Variants in MED23 observed in about 807,000 individuals in gnomAD.
MED23 encodes the protein mediator complex subunit 23.
MED23 carries 105 observed loss-of-function variants against 163.9 expected under a neutral mutation model. The observed-to-expected ratio is 0.64, with a 90% CI of 0.55 to 0.75. MED23 has a LOEUF of 0.75. MED23 is among the 30% of genes least tolerant of loss of function. The pLI, the probability that MED23 is intolerant of heterozygous loss-of-function variation, is 0.00. For synonymous variants in MED23, 561 were observed against 565.6 expected (o/e 0.99, Z 0.12); for missense variants, 1,054 against 1,649.0 (o/e 0.64, Z 6.25).
chr6:131,602,414 A>G (rs536279426), intron 16 of MED23, 33 bp from the exon 17 acceptor site: 2 of 1,595,744 alleles, frequency 1.3e-6, no homozygotes, highest in Admixed American at 1.7e-5. Context: ...GAAATGTAAA[A>G]AAATTTCAGA....
chr6:131,621,092 G>C (rs1377060364), intron 6 of MED23, among the ~76,000 whole-genome samples: 1 of 152,138 alleles, frequency 6.6e-6, no homozygotes, highest in African/African-American at 2.4e-5. Context: ...ATGCGCCACT[G>C]CATCTGGCCC....
At chr6:131,612,718 C>T (rs1347688444) in intron 10 of MED23, among the ~76,000 whole-genome samples, 2 of 152,044 alleles carry the variant, frequency 1.3e-5, no homozygotes, top group African/African-American at 4.8e-5. Flanking sequence ...ACTGAAACTT[C>T]ATTTAATATT....
chr6:131,620,804 AT>A (rs763118261), intron 6 of MED23, 75 bp from the exon 7 acceptor site: 128,560 of 627,656 alleles, frequency 0.2, 1 homozygote, highest in South Asian at 0.28. Flanking sequence ...TATTATCATT[AT>A]TTTTTTTTTT....
downstream of MED23, chr6:131,583,911 G>A (rs1345200446): frequency 1.2e-6 from 2 of 1,613,804 alleles, no homozygotes; most frequent in African/African-American, 1.3e-5. Context: ...CTAAGTAAAT[G>A]TGGAAACATC....
chr6:131,604,169 C>T lies in MED23; in HGVS notation c.1756+9G>A, dbSNP rs1775688515. On this transcript the variant is annotated intron_variant, in intron 15 of 28. Transcript: ENST00000368068. ...TAATAGTTATAAACACCAGAAAGTC[C>T]TGTCTTACTGATAAATCCTTTGATG... is the stretch of plus-strand genomic sequence containing the variant. 2 of 1,612,592 alleles carry T rather than the reference C, an allele frequency of 1.2e-6. No homozygotes were observed. The highest frequency in any genetic ancestry group is 1.1e-5 in the South Asian group (1 of 91,034).
chr6:131,609,506 CTT>C (rs71030751), intron 11 of MED23, among the ~76,000 whole-genome samples: 2,203 of 97,976 alleles, frequency 0.022, 46 homozygotes, highest in African/African-American at 0.093. Flanking sequence ...GAGACTATTC[CTT>C]TTTTTTTTTT....
chr6:131,610,940 T>C (rs1351443247), intron 10 of MED23, among the ~76,000 whole-genome samples: 2 of 152,182 alleles, frequency 1.3e-5, no homozygotes, highest in African/African-American at 2.4e-5. Context: ...AGAAAAAGAA[T>C]TGAGTTTAAA....
chr6:131,584,816 TAC>T (rs59196638), downstream of MED23, among the ~76,000 whole-genome samples: 2,243 of 133,856 alleles, frequency 0.017, 87 homozygotes, highest in East Asian at 0.17. Flanking sequence ...CTACAAAAAA[TAC>T]ACACACACAC....
rs114412536 is a variant in MED23 at position 131,620,807 on chromosome 6, T to A, written c.496-78A>T. 6.6e-3 allele frequency: 4,921 copies of A among 746,506 alleles called. 131 individuals are homozygous for A. The African/African-American group carries it at 0.07, about 11-fold the overall frequency. 46.2% of individuals were successfully genotyped at this position (746,506 alleles called of 1,614,324 possible). A position where few individuals can be genotyped will look rare whatever the true frequency, so the allele number is the denominator to read the frequency against. The stretch of plus-strand genomic sequence containing the variant: ...CTTTATTTTATTTATTATCATTATT[T>A]TTTTTTTTTTTTGAGACAGGGTCTT... On this transcript the variant is annotated intron_variant, in intron 6 of 28. Coordinates refer to ENST00000368068, the MANE Select transcript of MED23 (RefSeq NM_004830.4).
intron 20 of MED23, among the ~76,000 whole-genome samples, chr6:131,596,899 G>A (rs531324977): frequency 5.4e-4 from 82 of 152,226 alleles, no homozygotes; most frequent in African/African-American, 1.9e-3. Context: ...TGCCTGGGAT[G>A]TCCATCTTTA....
At position 131,598,667 on chromosome 6, in the gene MED23, T is replaced by C. The variant is rs754806196; in HGVS notation, c.2315A>G (p.Asn772Ser). 31 of 1,614,070 alleles carry C rather than the reference T, an allele frequency of 1.9e-5. No individual in the cohort carries two copies. The South Asian group carries it at 3.2e-4, about 17-fold the overall frequency. Residue 772 changes from asparagine (N) to serine (S), a missense_variant, in exon 19 of 29, where the codon AAC becomes AGC. Asn to Ser is a conservative substitution (Grantham distance 46). Around this residue, in one of 11 missense-constraint regions of MED23, gnomAD observed 228 missense variants for 461.3 expected, o/e 0.49. Transcript: ENST00000368068. The surrounding 1 kb of genome is among the most constrained non-coding windows in gnomAD (Gnocchi z 4.7). ...EEYRKWKSMS[N>S]ENDIITHFSM... ...GAAGTGGGTAATAATGTCGTTTTCG[T>C]TGCTCATTGACTTCCACTTCCTATA...
intron 18 of MED23, among the ~76,000 whole-genome samples, chr6:131,599,701 G>C (rs1172100662): frequency 2.0e-5 from 3 of 151,240 alleles, no homozygotes; most frequent in Non-Finnish European, 4.4e-5. Context: ...TCCAGTACCA[G>C]AGTAGGACAC....
At chr6:131,627,157 T>G (rs970005094) in intron 3 of MED23, 6 of 268,634 alleles carry the variant, frequency 2.2e-5, no homozygotes, top group South Asian at 7.7e-5. Context: ...ATAGGGGAGG[T>G]TTTTTTTTTT....
rs1203989602 is a variant in MED23, at chr6:131,624,919, G to T, written c.230C>A (p.Ser77Tyr). 5 of 1,613,662 alleles carry T rather than the reference G, an allele frequency of 3.1e-6. No homozygotes were observed. In the African/African-American group the frequency reaches 5.3e-5, roughly 17 times the overall value. ...IHGQHSPKRI[S>Y]FLYDCLAMAV... ...CATTGCTAAGCAGTCATAAAGAAAA[G>T]AAATTCTTTTAGGACTATGCTGACC... The change falls in exon 4 of 29, where the codon TCT (serine) becomes TAT (tyrosine). Residue 77 changes from serine to tyrosine, a missense_variant. By Grantham distance (144) the Ser-to-Tyr change is moderately radical (BLOSUM62 -2). Around this residue, in one of 11 missense-constraint regions of MED23, gnomAD observed 227 missense variants for 235.5 expected, o/e 0.96. Transcript: ENST00000368068.
intron 8 of MED23, 135 bp downstream of exon 8, chr6:131,619,692 A>G: frequency 1.5e-6 from 1 of 680,876 alleles, no homozygotes; most frequent in Non-Finnish European, 2.6e-6. Context: ...GAAAGGCATT[A>G]TATTAAGCTC....
Position 131,591,475 on chromosome 6 carries a change from G to T in MED23, c.3524C>A (p.Pro1175His). The change falls in exon 26 of 29, where the codon CCC becomes CAC. Residue 1175 changes from proline (P) to histidine (H), a missense_variant. By Grantham distance (77) the Pro-to-His change is moderately conservative (BLOSUM62 -2). Coordinates refer to ENST00000368068, the MANE Select transcript of MED23 (RefSeq NM_004830.4). ...CCACTCTGTTTCAGACGTCAAGCTGGGGCTGCTGATGACACTCACAATTCG... is the reference window on the plus strand; with the variant it reads ...CCACTCTGTTTCAGACGTCAAGCTGTGGCTGCTGATGACACTCACAATTCG... ...HDRIVSVISSPSLTSETEWVG... is the reference protein window; with the variant it reads ...HDRIVSVISSHSLTSETEWVG... The T allele has an allele frequency of 6.2e-7, 1 of 1,613,878 alleles. No individual in the cohort carries two copies. Among genetic ancestry groups the T allele is most frequent in the Non-Finnish European group, 8.5e-7 (1 of 1,179,836 alleles).
At chr6:131,610,330 C>T in intron 10 of MED23, 84 bp from the exon 11 acceptor site, 10 of 1,329,666 alleles carry the variant, frequency 7.5e-6, no homozygotes, top group Non-Finnish European at 9.5e-6. Context: ...TTAATTGTAA[C>T]AAGAGGCTGA....
chr6:131,577,956 T>C (rs755397428), intron 30 of MED23, among the ~76,000 whole-genome samples: 6 of 144,158 alleles, frequency 4.2e-5, no homozygotes, highest in African/African-American at 7.7e-5. Flanking sequence ...GGCAAAAACA[T>C]GGTAGATCTC....
intron 7 of MED23, 72 bp from the exon 8 acceptor site, chr6:131,619,968 T>C (rs571602975): frequency 2.0e-5 from 18 of 881,988 alleles, no homozygotes; most frequent in African/African-American, 1.1e-4. Flanking sequence ...CCCTGAAATA[T>C]ATGAACATTT....
Sources: allele counts gnomAD v4.1 joint callset (sites outside exome capture counted in the v4.1 genomes callset), GRCh38; gene constraint gnomAD v4.1.1; regional missense constraint gnomAD v4.1.1; non-coding constraint Gnocchi (gnomAD v3.1); transcripts MANE v1.5; gene names NCBI Gene and HGNC (gene_info 2026-07-23, HGNC 2026-07-21).